The following SLC30A4 variants were observed in gnomAD, a reference collection of about 807,000 sequenced individuals.
SLC30A4 encodes solute carrier family 30 member 4, also known as probable proton-coupled zinc antiporter SLC30A4.
In SLC30A4, 20 loss-of-function variants were observed where a neutral mutation model predicts 41.7. That is an observed-to-expected ratio of 0.48 (90% confidence interval 0.34 to 0.70). The LOEUF (loss-of-function observed/expected upper bound fraction) is 0.70, where lower values mean the gene tolerates loss of function less well. SLC30A4 is among the 30% of genes least tolerant of loss of function. SLC30A4 has a pLI of 0.01. For synonymous variants in SLC30A4, 181 were observed against 195.9 expected (o/e 0.92, Z 0.64); for missense variants, 441 against 529.3 (o/e 0.83, Z 1.64).
chr15:45,500,686 T>C (rs1271172945), intron 3 of SLC30A4, among the ~76,000 whole-genome samples: 1 of 152,030 alleles, frequency 6.6e-6, no homozygotes, highest in Non-Finnish European at 1.5e-5. Context: ...TATTTTTATT[T>C]TTTTATTTTT....
intron 3 of SLC30A4, among the ~76,000 whole-genome samples, chr15:45,495,415 C>A (rs1424692298): frequency 1.3e-5 from 2 of 152,052 alleles, no homozygotes; most frequent in East Asian, 3.9e-4. Flanking sequence ...TTATAGTTAC[C>A]CTAGTAGGTC....
chr15:45,510,944 A>G (rs1173462349), intron 3 of SLC30A4, among the ~76,000 whole-genome samples, 194 bp downstream of exon 3: 1 of 152,250 alleles, frequency 6.6e-6, no homozygotes, highest in African/African-American at 2.4e-5. Flanking sequence ...ATATAATTTT[A>G]TATGTGTAAA....
chr15:45,511,058 G>A (rs1892277410), intron 3 of SLC30A4, 80 bp downstream of exon 3: 2 of 1,065,254 alleles, frequency 1.9e-6, no homozygotes, highest in South Asian at 1.8e-5. Context: ...TCACTGGAAC[G>A]AGTTCAGTTA....
At chr15:45,515,430 G>A (rs1052060778) in intron 2 of SLC30A4, among the ~76,000 whole-genome samples, 1 of 152,098 alleles carries the variant, frequency 6.6e-6, no homozygotes, top group African/African-American at 2.4e-5. Context: ...CGAGGCGGGT[G>A]GATCACGAGG....
intron 3 of SLC30A4, among the ~76,000 whole-genome samples, chr15:45,505,145 C>T (rs953592540): frequency 2.0e-5 from 3 of 150,952 alleles, no homozygotes; most frequent in Admixed American, 6.6e-5. Context: ...GCAGAAGAAT[C>T]GCTTGAATCC....
chr15:45,511,073 G>T, intron 3 of SLC30A4, 65 bp downstream of exon 3: 1 of 1,282,668 alleles, frequency 7.8e-7, no homozygotes, highest in Non-Finnish European at 1.1e-6. Flanking sequence ...CAGTTAATCA[G>T]GGTTATAGTT....
chr15:45,488,498 G>A (rs1891749666), intron 5 of SLC30A4, among the ~76,000 whole-genome samples: 2 of 152,124 alleles, frequency 1.3e-5, no homozygotes, highest in South Asian at 4.1e-4. Context: ...ACTTGAGCCT[G>A]GGAGGCGGAG....
rs1365338220 is a variant in SLC30A4 at position 45,522,446 on chromosome 15, A to G, written c.-92T>C. The G allele has an allele frequency of 4.1e-6, 5 of 1,233,608 alleles. No individual in the cohort carries two copies. The Admixed American group carries it at 8.0e-5, about 20-fold the overall frequency. The allele number at this position is 1,233,608 out of a possible 1,614,324, so 76.4% of individuals were successfully genotyped here. ...CACCGGAGCGCCAGTTCTCGAGGGC[A>G]GTGCCGCGCGTCCCTCCCCATCCTG... On this transcript the variant is annotated 5_prime_UTR_variant, in exon 2 of 8. Transcript: ENST00000261867.
intron 5 of SLC30A4, among the ~76,000 whole-genome samples, chr15:45,487,911 AGTGTGTGTGT>A (rs145350286): frequency 1.6e-4 from 22 of 137,688 alleles, no homozygotes; most frequent in East Asian, 8.6e-4. Context: ...GAAAGAAGTA[AGTGTGTGTGT>A]GTGTGTGTGT....
chr15:45,519,863 G>A (rs2140864539), intron 2 of SLC30A4, among the ~76,000 whole-genome samples: 1 of 152,298 alleles, frequency 6.6e-6, no homozygotes, highest in South Asian at 2.1e-4. Context: ...CATTAAACCT[G>A]AATGACTCAA....
At chr15:45,491,245 G>A (rs894486115) in intron 3 of SLC30A4, among the ~76,000 whole-genome samples, 4 of 152,088 alleles carry the variant, frequency 2.6e-5, no homozygotes, top group Non-Finnish European at 5.9e-5. Flanking sequence ...GTGGTTAGCA[G>A]CTTGACTGAT....
In SLC30A4 at chr15:45,522,375, G is replaced by A. The variant is rs1566885591; in HGVS notation, c.-21C>T. 10 of 1,577,996 alleles carry A rather than the reference G, an allele frequency of 6.3e-6. No individual in the cohort carries two copies. The highest frequency in any genetic ancestry group is 8.6e-6 in the Non-Finnish European group (10 of 1,165,214). ...GCCATGGCAGAGGCTGAGCGGCCGC[G>A]GTGCGGAACGGCTTGGGGGAGGCGG... On this transcript the variant is annotated 5_prime_UTR_variant, in exon 2 of 8. Transcript: ENST00000261867.
chr15:45,520,952 T>C, intron 2 of SLC30A4: 1 of 439,094 alleles, frequency 2.3e-6, no homozygotes, highest in Admixed American at 3.1e-5. Context: ...CAAAAAGAGC[T>C]TTGTGAGTTG....
intron 2 of SLC30A4, chr15:45,520,813 C>A (rs754054768): frequency 6.3e-6 from 2 of 317,880 alleles, no homozygotes; most frequent in Non-Finnish European, 1.3e-5. Context: ...TGTGTATATT[C>A]TCATACATAT....
chr15:45,507,172 T>C (rs1892175601), intron 3 of SLC30A4, among the ~76,000 whole-genome samples: 1 of 151,666 alleles, frequency 6.6e-6, no homozygotes, highest in Non-Finnish European at 1.5e-5. Flanking sequence ...ATACAAAAAT[T>C]AGCCATGAGT....
rs746670312 is a variant in SLC30A4, at chr15:45,487,547, G to C, written c.980C>G (p.Thr327Arg). The C allele has an allele frequency of 6.7e-7, 1 of 1,500,732 alleles. No homozygotes were observed. 93.0% of individuals were successfully genotyped at this position (1,500,732 alleles called of 1,614,324 possible). A position where few individuals can be genotyped will look rare whatever the true frequency, so the allele number is the denominator to read the frequency against. Residue 327 changes from threonine to arginine, a missense_variant, in exon 6 of 8, where the codon ACA (threonine) becomes AGA (arginine). By Grantham distance (71) the Thr-to-Arg change is moderately conservative. Transcript: ENST00000261867. ...CTTACCTTCTAGTATTATAACTACT[G>C]TATCCCATATGATTCGAAATGTTGT... ...AFTTFRIIWD[T>R]VVIILEGVPS...
chr15:45,513,527 A>G (rs747702820), intron 2 of SLC30A4, among the ~76,000 whole-genome samples: 8 of 152,184 alleles, frequency 5.3e-5, no homozygotes, highest in Non-Finnish European at 1.2e-4. Context: ...ATCTTCACAA[A>G]AAGAATGAAA....
chr15:45,514,761 C>T (rs1022079417), intron 2 of SLC30A4, among the ~76,000 whole-genome samples: 9 of 151,796 alleles, frequency 5.9e-5, no homozygotes, highest in East Asian at 5.9e-4. Flanking sequence ...GTGATCTGCC[C>T]GCCTTGGCGT....
Position 45,514,832 on chromosome 15 carries a change from C to T in SLC30A4, c.392-3548G>A, listed in dbSNP as rs182241539. Reference sequence around the variant, plus strand: ...GCCTGGCCTCTAAATTGTTTTTGCCCTTTCTCTCCAATTATACATCTTTTT... The same window carrying T: ...GCCTGGCCTCTAAATTGTTTTTGCCTTTTCTCTCCAATTATACATCTTTTT... On this transcript the variant is annotated intron_variant, in intron 2 of 7. Coordinates refer to ENST00000261867, the MANE Select transcript of SLC30A4 (RefSeq NM_013309.6). Among the ~76,000 whole-genome samples the T allele has an allele frequency of 8.6e-4, 130 of 151,946 alleles. 3 individuals are homozygous for T. In the East Asian group the frequency reaches 0.023, roughly 27 times the overall value.
Sources: gnomAD v4.1 joint callset for allele counts (sites outside exome capture counted in the v4.1 genomes callset) on GRCh38, gnomAD v4.1.1 for gene constraint, MANE v1.5 for transcripts, NCBI Gene and HGNC (gene_info 2026-07-23, HGNC 2026-07-21) for gene names.